TMEM120B: variants seen among roughly 807,000 people sequenced by gnomAD.
The protein encoded by TMEM120B is transmembrane protein 120B.
In TMEM120B, 31 loss-of-function variants were observed where a neutral mutation model predicts 55.5. The observed-to-expected ratio is 0.56, with a 90% CI of 0.42 to 0.75. The LOEUF is 0.75. TMEM120B is among the 30% of genes least tolerant of loss of function. The probability of loss-of-function intolerance (pLI) is 0.00; values close to 1 mark genes in which losing one functional copy is unlikely to be tolerated. For synonymous variants in TMEM120B, 203 were observed against 176.3 expected (o/e 1.15, Z -1.20); for missense variants, 399 against 425.5 (o/e 0.94, Z 0.55).
chr12:121,720,907 A>T (rs1894779235), intron 1 of TMEM120B, among the ~76,000 whole-genome samples: 1 of 151,774 alleles, frequency 6.6e-6, no homozygotes, highest in Non-Finnish European at 1.5e-5. Flanking sequence ...ACACATGTTG[A>T]CTCCCCAGTC....
Position 121,779,015 on chromosome 12 carries a change from C to A in TMEM120B, c.*3293C>A, listed in dbSNP as rs548011328. On this transcript the variant is annotated 3_prime_UTR_variant, in exon 12 of 12. Transcript: ENST00000449592. The stretch of plus-strand genomic sequence containing the variant: ...TGTGTCCTCCTGATAGGCCCAGCCC[C>A]CTCGGTGGCCTCCGTGTTCCTGGGG... The A allele has an allele frequency of 1.8e-3, 292 of 161,910 alleles. 3 individuals are homozygous for A. Among genetic ancestry groups the A allele is most frequent in the African/African-American group, 6.8e-3 (283 of 41,784 alleles). The allele number at this position is 161,910 out of a possible 1,614,324, so 10.0% of individuals were successfully genotyped here. A position where few individuals can be genotyped will look rare whatever the true frequency, so the allele number is the denominator to read the frequency against.
intron 1 of TMEM120B, among the ~76,000 whole-genome samples, chr12:121,723,911 C>CT (rs1235976971): frequency 1.3e-5 from 2 of 152,066 alleles, no homozygotes; most frequent in Non-Finnish European, 2.9e-5. Context: ...AGTGATCCTC[C>CT]TGTCTCAGTC....
At chr12:121,770,821 C>A in intron 6 of TMEM120B, 86 bp from the exon 7 acceptor site, 1 of 1,239,598 alleles carries the variant, frequency 8.1e-7, no homozygotes, top group Non-Finnish European at 1.2e-6. Flanking sequence ...CAGAGTAACC[C>A]CTGCTGCATA....
intron 2 of TMEM120B, among the ~76,000 whole-genome samples, chr12:121,744,071 T>C (rs1592934345): frequency 1.3e-5 from 2 of 151,096 alleles, no homozygotes; most frequent in African/African-American, 2.4e-5. Context: ...TTTTTTTTTT[T>C]CTTGAAATGG....
At chr12:121,746,089 G>A (rs1248316262) in intron 2 of TMEM120B, among the ~76,000 whole-genome samples, 24 of 152,136 alleles carry the variant, frequency 1.6e-4, no homozygotes, top group African/African-American at 5.5e-4. Context: ...TCGAACTCCT[G>A]ACTTCAGGTG....
chr12:121,732,433 C>T (rs1350725632), intron 1 of TMEM120B, among the ~76,000 whole-genome samples: 1 of 152,070 alleles, frequency 6.6e-6, no homozygotes, highest in African/African-American at 2.4e-5. Flanking sequence ...TGACTCTGGC[C>T]AATGACAGAG....
intron 3 of TMEM120B, among the ~76,000 whole-genome samples, chr12:121,749,625 G>T (rs1021859280): frequency 1.3e-5 from 2 of 152,168 alleles, no homozygotes; most frequent in Admixed American, 1.3e-4. Flanking sequence ...CTGCAGTGAC[G>T]CTGGGCACAG....
At chr12:121,736,249 A>G (rs1213338520) in intron 1 of TMEM120B, among the ~76,000 whole-genome samples, 1 of 151,190 alleles carries the variant, frequency 6.6e-6, no homozygotes, top group Non-Finnish European at 1.5e-5. Context: ...GTCTCAGCTC[A>G]CTGCAACCTC....
At chr12:121,746,662 A>G (rs1219818174) in intron 2 of TMEM120B, among the ~76,000 whole-genome samples, 2 of 152,110 alleles carry the variant, frequency 1.3e-5, no homozygotes, top group Non-Finnish European at 2.9e-5. Context: ...TCTTTAGAAA[A>G]ATGAGAAGAA....
In TMEM120B at chr12:121,769,957, G is replaced by C. The variant is rs1305283376; in HGVS notation, c.552-950G>C. Reference sequence around the variant, plus strand: ...AGTGTGATCCGAGTGGGGCCATCAGGCTGGTTCAGATAAGGCGGTCAGGAG... The same window carrying C: ...AGTGTGATCCGAGTGGGGCCATCAGCCTGGTTCAGATAAGGCGGTCAGGAG... On this transcript the variant is annotated intron_variant, in intron 6 of 11. Transcript: ENST00000449592. Among the ~76,000 whole-genome samples the C allele has an allele frequency of 5.9e-5, 9 of 152,098 alleles. No homozygotes were observed. In the East Asian group the frequency reaches 1.2e-3, roughly 20 times the overall value.
At chr12:121,741,194 A>C (rs544531259) in intron 1 of TMEM120B, among the ~76,000 whole-genome samples, 11 of 152,308 alleles carry the variant, frequency 7.2e-5, no homozygotes, top group African/African-American at 2.6e-4. Flanking sequence ...AGAGAAAAAG[A>C]ACACACAGGC....
intron 1 of TMEM120B, among the ~76,000 whole-genome samples, chr12:121,719,731 G>A (rs1037489263): frequency 1.3e-5 from 2 of 151,986 alleles, no homozygotes; most frequent in Non-Finnish European, 2.9e-5. Flanking sequence ...TTTTGCTCTT[G>A]TTGTCCAGGC....
rs1480076720 is a variant in TMEM120B, at chr12:121,777,007, G to A, written c.*1285G>A. ...GTCTCGATCTGTTACCCAGGCTGGA[G>A]TGCAGTGACACAATCTCAGCTCACT... On this transcript the variant is annotated 3_prime_UTR_variant, in exon 12 of 12. Coordinates refer to ENST00000449592, the MANE Select transcript of TMEM120B (RefSeq NM_001080825.2). 6.7e-6 allele frequency: 1 copy of A among 149,562 alleles called. No homozygotes were observed. The highest frequency in any genetic ancestry group is 2.5e-5 in the African/African-American group (1 of 40,498). The allele number at this position is 149,562 out of a possible 1,614,324, so 9.3% of individuals were successfully genotyped here.
Position 121,766,581 on chromosome 12 carries a change from G to C in TMEM120B, c.552-4326G>C, listed in dbSNP as rs77902944. Among the ~76,000 whole-genome samples the C allele has an allele frequency of 4.1e-3, 623 of 152,234 alleles. 5 individuals carry two copies. The highest frequency in any genetic ancestry group is 0.014 in the African/African-American group (588 of 41,546). On this transcript the variant is annotated intron_variant, in intron 6 of 11. Transcript: ENST00000449592. ...ACAGACTTCTGATTGGCCAGGCTTG[G>C]GTGACCTACTGATCTCTGAGAGCCA...
chr12:121,773,413 C>T lies in TMEM120B; in HGVS notation c.680-8C>T. The T allele has an allele frequency of 6.2e-7, 1 of 1,607,610 alleles. No homozygotes were observed. Among genetic ancestry groups the T allele is most frequent in the Non-Finnish European group, 8.5e-7 (1 of 1,177,098 alleles). On this transcript the variant is annotated splice_region_variant and splice_polypyrimidine_tract_variant and intron_variant, in intron 8 of 11. Coordinates refer to ENST00000449592, the MANE Select transcript of TMEM120B (RefSeq NM_001080825.2). The stretch of plus-strand genomic sequence containing the variant: ...GCCCTGAGCCCAGGTGCTGTGCTCC[C>T]CCTGCAGGCTGCGTCCAGTTCCTGC...
chr12:121,761,793 A>G lies in TMEM120B; in HGVS notation c.551+55A>G, dbSNP rs190347513. On this transcript the variant is annotated intron_variant, in intron 6 of 11. Coordinates refer to ENST00000449592, the MANE Select transcript of TMEM120B (RefSeq NM_001080825.2). ...ACAAGAGGAGTTAAAGGGAAATGTC[A>G]CGAGGGGCGTCAGATGGGGGCCGAC... 5.3e-5 allele frequency: 76 copies of G among 1,435,814 alleles called. No homozygotes were observed. In the African/African-American group the frequency reaches 7.2e-4, roughly 14 times the overall value. 88.9% of individuals were successfully genotyped at this position (1,435,814 alleles called of 1,614,324 possible). A position where few individuals can be genotyped will look rare whatever the true frequency, so the allele number is the denominator to read the frequency against.
intron 5 of TMEM120B, chr12:121,758,338 C>G: frequency 1.0e-6 from 1 of 985,506 alleles, no homozygotes; most frequent in Non-Finnish European, 1.2e-6. Flanking sequence ...TGACCAGGTA[C>G]AGCATGCTCC....
Position 121,779,828 on chromosome 12 carries a change from T to C in TMEM120B, c.*4106T>C, listed in dbSNP as rs1592954628. The C allele has an allele frequency of 2.8e-6, 2 of 716,624 alleles. No homozygotes were observed. The highest frequency in any genetic ancestry group is 4.5e-6 in the Non-Finnish European group (2 of 439,748). The allele number at this position is 716,624 out of a possible 1,614,324, so 44.4% of individuals were successfully genotyped here. A position where few individuals can be genotyped will look rare whatever the true frequency, so the allele number is the denominator to read the frequency against. On this transcript the variant is annotated 3_prime_UTR_variant, in exon 12 of 12. Coordinates refer to ENST00000449592, the MANE Select transcript of TMEM120B (RefSeq NM_001080825.2). ...TGCCCCTCACAGTGTGTGGGTGGAA[T>C]GGAGGGCCAGGGCAGTGCAGCCCGC...
At position 121,776,301 on chromosome 12, in the gene TMEM120B, C is replaced by G. The variant is rs368192734; in HGVS notation, c.*579C>G. ...CTTGCCCCTGGAGCGCTGGGGGCAT[C>G]CTGAGTCAGGCTGTGAGAAGATTCG... On this transcript the variant is annotated 3_prime_UTR_variant, in exon 12 of 12. Transcript: ENST00000449592. 12 of 167,720 alleles carry G rather than the reference C, an allele frequency of 7.2e-5. No individual in the cohort carries two copies. Among genetic ancestry groups the G allele is most frequent in the African/African-American group, 2.8e-4 (12 of 42,108 alleles). 10.4% of individuals were successfully genotyped at this position (167,720 alleles called of 1,614,324 possible).
Sources: gnomAD v4.1 joint callset for allele counts (sites outside exome capture counted in the v4.1 genomes callset) on GRCh38, gnomAD v4.1.1 for gene constraint, MANE v1.5 for transcripts, NCBI Gene and HGNC (gene_info 2026-07-23, HGNC 2026-07-21) for gene names.